The following CNTN5 variants were observed in gnomAD, a reference collection of about 807,000 sequenced individuals.
CNTN5 encodes contactin 5.
Under a neutral mutation model 129.1 loss-of-function variants are expected in CNTN5, and 77 were observed. The ratio of observed to expected loss-of-function variants is 0.60; its 90% CI spans 0.50 to 0.72. The LOEUF (loss-of-function observed/expected upper bound fraction) is 0.72. Among genes scored for constraint, CNTN5 ranks in the 30% least tolerant of loss-of-function variants. The probability of loss-of-function intolerance (pLI) is 0.00; values close to 1 mark genes in which losing one functional copy is unlikely to be tolerated. For missense variants in CNTN5, 1,478 were observed against 1,328.8 expected (o/e 1.11, Z -1.75); for synonymous variants, 509 against 465.6 (o/e 1.09, Z -1.20).
chr11:99,862,633 C>T (rs139022514), intron 6 of CNTN5, among the ~76,000 whole-genome samples: 2,026 of 151,986 alleles, frequency 0.013, 46 homozygotes, highest in African/African-American at 0.045. Flanking sequence ...AAAGTAATTA[C>T]TGATTAATTA....
chr11:100,198,528 T>C lies in CNTN5; in HGVS notation c.1884+4865T>C, dbSNP rs543133891. Among the ~76,000 whole-genome samples, 4 of 151,910 alleles carry C rather than the reference T, an allele frequency of 2.6e-5. No homozygotes were observed. In the South Asian group the frequency reaches 8.3e-4, roughly 32 times the overall value. ...TAGACCTCAGTGAGTAGCATTAGAA[T>C]AGTCAAAGAAGAAAAAGGAAGGCAA... On this transcript the variant is annotated intron_variant, in intron 15 of 24. Transcript: ENST00000524871.
chr11:99,853,232 T>G (rs542417551), intron 6 of CNTN5, among the ~76,000 whole-genome samples: 8 of 152,242 alleles, frequency 5.3e-5, no homozygotes, highest in African/African-American at 1.7e-4. Context: ...TGCATTGACT[T>G]TATTCCACAC....
At chr11:99,413,656 A>G (rs1942503121) in intron 2 of CNTN5, among the ~76,000 whole-genome samples, 1 of 152,128 alleles carries the variant, frequency 6.6e-6, no homozygotes, top group Non-Finnish European at 1.5e-5. Flanking sequence ...CAAAAAAACA[A>G]AAACAAAAAA....
intron 2 of CNTN5, among the ~76,000 whole-genome samples, chr11:99,358,416 C>T (rs1189438872): frequency 1.3e-5 from 2 of 151,188 alleles, no homozygotes. Flanking sequence ...AAAAAATTAG[C>T]CAGGCGTGGT....
rs145239398 is a variant in CNTN5 at position 100,055,105 on chromosome 11, G to A, written c.981-6107G>A. Among the ~76,000 whole-genome samples the A allele has an allele frequency of 1.2e-3, 176 of 147,942 alleles. 1 individual carries two copies. The highest frequency in any genetic ancestry group is 4.2e-3 in the African/African-American group (171 of 40,650). ...AACAAAAAGGATTTTGGAAAGAGAT[G>A]AGGTTTCCAGCCTTTGCTATATACC... On this transcript the variant is annotated intron_variant, in intron 9 of 24. Transcript: ENST00000524871.
chr11:99,950,434 T>C (rs930943633), intron 7 of CNTN5, among the ~76,000 whole-genome samples: 5 of 152,226 alleles, frequency 3.3e-5, no homozygotes, highest in African/African-American at 1.2e-4. Context: ...TGAGCCAAGA[T>C]TGTGCTACTG....
chr11:99,454,785 G>T, intron 2 of CNTN5, among the ~76,000 whole-genome samples: 1 of 152,034 alleles, frequency 6.6e-6, no homozygotes, highest in East Asian at 1.9e-4. Flanking sequence ...TTTTAAAAAT[G>T]TAACAAAATT....
chr11:99,572,424 C>T (rs965677058), intron 3 of CNTN5, among the ~76,000 whole-genome samples: 5 of 152,128 alleles, frequency 3.3e-5, no homozygotes, highest in Admixed American at 2.0e-4. Context: ...AAGAACAAAC[C>T]GGTAGAAGCT....
Position 99,848,172 on chromosome 11 carries a change from T to C in CNTN5, c.577+2910T>C, listed in dbSNP as rs185662161. Among the ~76,000 whole-genome samples, 117 of 152,238 alleles carry C rather than the reference T, an allele frequency of 7.7e-4. 2 individuals are homozygous for C. The East Asian group carries it at 0.01, about 13-fold the overall frequency. On this transcript the variant is annotated intron_variant, in intron 6 of 24. Transcript: ENST00000524871. ...TTGCAGTGAGCCGAGATCACACCACTGCACTCCAGCCTGGGCGACAAAGCG... is the reference window on the plus strand; with the variant it reads ...TTGCAGTGAGCCGAGATCACACCACCGCACTCCAGCCTGGGCGACAAAGCG...
chr11:99,342,326 A>T (rs1013788561), intron 2 of CNTN5, among the ~76,000 whole-genome samples: 1 of 152,128 alleles, frequency 6.6e-6, no homozygotes, highest in Non-Finnish European at 1.5e-5. Flanking sequence ...AACCTGAATC[A>T]ATGCTACAAT....
chr11:99,273,422 G>T lies in CNTN5; in HGVS notation c.-209-51924G>T, dbSNP rs143797580. On this transcript the variant is annotated intron_variant, in intron 1 of 24. Transcript: ENST00000524871. ...TAGTGTATCCCAACGGGAGGAGTCA[G>T]CTTTATTTGTACAGAACCATTTTTC... 5.0e-4 allele frequency among the ~76,000 whole-genome samples: 76 copies of T among 151,926 alleles called. 2 individuals are homozygous for T. In the East Asian group the frequency reaches 0.014, roughly 28 times the overall value.
chr11:99,880,560 A>G (rs1461264062), intron 6 of CNTN5, among the ~76,000 whole-genome samples: 2 of 152,160 alleles, frequency 1.3e-5, no homozygotes, highest in Non-Finnish European at 2.9e-5. Context: ...TGCCACAAGC[A>G]GCTCCCAAGA....
chr11:99,070,899 A>G (rs1174682461), intron 1 of CNTN5, among the ~76,000 whole-genome samples: 2 of 152,144 alleles, frequency 1.3e-5, no homozygotes, highest in East Asian at 3.9e-4. Flanking sequence ...ATAGTAATAT[A>G]GAAGCTGACT....
chr11:99,647,375 CTT>C (rs1952004733), intron 3 of CNTN5, among the ~76,000 whole-genome samples: 1 of 152,002 alleles, frequency 6.6e-6, no homozygotes, highest in Non-Finnish European at 1.5e-5. Flanking sequence ...TCTGGCTTCT[CTT>C]TTCTGTTCCA....
At chr11:99,722,648 T>G (rs889084831) in intron 3 of CNTN5, among the ~76,000 whole-genome samples, 2 of 151,972 alleles carry the variant, frequency 1.3e-5, no homozygotes, top group Non-Finnish European at 2.9e-5. Flanking sequence ...AAAAATAATT[T>G]AAGGAAGTTC....
chr11:99,224,657 ATTTT>A (rs3082693), intron 1 of CNTN5, among the ~76,000 whole-genome samples: 12 of 108,972 alleles, frequency 1.1e-4, no homozygotes, highest in African/African-American at 4.0e-4. Flanking sequence ...CCAAGGTTGC[ATTTT>A]TTTTTTTTTT....
intron 8 of CNTN5, among the ~76,000 whole-genome samples, chr11:99,960,132 T>TTAAACAA (rs553146221): frequency 2.6e-5 from 4 of 152,332 alleles, no homozygotes; most frequent in African/African-American, 7.2e-5. Flanking sequence ...TTACTCAAGC[T>TTAAACAA]TAAACAATAA....
At chr11:100,333,965 A>G (rs1216194) in intron 21 of CNTN5, among the ~76,000 whole-genome samples, 21,391 of 152,228 alleles carry the variant, frequency 0.14, 2,065 homozygotes, top group East Asian at 0.37. Flanking sequence ...GCTTCTGCAC[A>G]GCGATAGAAA....
intron 2 of CNTN5, among the ~76,000 whole-genome samples, chr11:99,430,175 G>A (rs964440742): frequency 1.3e-5 from 2 of 151,904 alleles, no homozygotes; most frequent in African/African-American, 2.4e-5. Context: ...TGATACCAAA[G>A]ATGGTAAAGG....
Sources: gnomAD v4.1 joint callset for allele counts (sites outside exome capture counted in the v4.1 genomes callset) on GRCh38, gnomAD v4.1.1 for gene constraint, MANE v1.5 for transcripts, NCBI Gene and HGNC (gene_info 2026-07-23, HGNC 2026-07-21) for gene names.